The following NCKAP5 variants were observed in gnomAD, a reference collection of about 807,000 sequenced individuals.
NCKAP5 encodes nck-associated protein 5.
A neutral mutation model predicts 167.0 loss-of-function variants in NCKAP5; 92 were observed. The observed-to-expected ratio is 0.55, with a 90% confidence interval of 0.47 to 0.66. The LOEUF is 0.66. NCKAP5 is among the 30% of genes least tolerant of loss of function. The probability of loss-of-function intolerance (pLI) is 0.00; values close to 1 mark genes in which losing one functional copy is unlikely to be tolerated. For missense variants in NCKAP5, 2,378 were observed against 2,315.0 expected (o/e 1.03, Z -0.56); for synonymous variants, 891 against 877.4 (o/e 1.02, Z -0.27).
chr2:132,794,307 G>GAGT lies in NCKAP5; in HGVS notation c.909+2320_909+2321insACT, dbSNP rs1553443904. ...AGAGAGAGAGAGAGAGAGAGAGAGAGGGTGGCGGGAAGAGAGAGAGAAAGA... is the reference window on the plus strand; with the variant it reads ...AGAGAGAGAGAGAGAGAGAGAGAGAGAGTGGTGGCGGGAAGAGAGAGAGAAAGA... On this transcript the variant is annotated intron_variant, in intron 12 of 19. Transcript: ENST00000409261. 1.9e-3 allele frequency among the ~76,000 whole-genome samples: 189 copies of GAGT among 101,042 alleles called. 7 individuals are homozygous for GAGT. The highest frequency in any genetic ancestry group is 2.5e-3 in the Non-Finnish European group (122 of 47,956). 66.3% of individuals were successfully genotyped at this position (101,042 alleles called of 152,430 possible). A position where few individuals can be genotyped will look rare whatever the true frequency, so the allele number is the denominator to read the frequency against.
intron 3 of NCKAP5, among the ~76,000 whole-genome samples, chr2:133,498,217 G>A (rs1371715922): frequency 2.0e-5 from 3 of 152,270 alleles, no homozygotes; most frequent in East Asian, 1.9e-4. Flanking sequence ...AGCTCTGGTC[G>A]TTTCCAGAGC....
intron 6 of NCKAP5, among the ~76,000 whole-genome samples, chr2:133,014,457 T>C (rs2078266420): frequency 6.6e-6 from 1 of 152,166 alleles, no homozygotes; most frequent in Non-Finnish European, 1.5e-5. Flanking sequence ...TAAAACCTAA[T>C]CTATATGATT....
intron 6 of NCKAP5, among the ~76,000 whole-genome samples, chr2:133,013,773 G>T (rs2874260): frequency 0.02 from 3,065 of 149,540 alleles, 32 homozygotes; most frequent in African/African-American, 0.024. Flanking sequence ...CCCTTTTTTT[G>T]TGTGTGTGTA....
intron 8 of NCKAP5, among the ~76,000 whole-genome samples, chr2:132,913,046 C>T (rs1694580049): frequency 6.6e-6 from 1 of 152,020 alleles, no homozygotes; most frequent in South Asian, 2.1e-4. Context: ...GGTCTCTTCC[C>T]TATACTTAAG....
At chr2:133,395,416 T>C (rs551252317) in intron 3 of NCKAP5, among the ~76,000 whole-genome samples, 1 of 152,312 alleles carries the variant, frequency 6.6e-6, no homozygotes, top group African/African-American at 2.4e-5. Context: ...AGACCAGACA[T>C]ACCTTTCCCA....
chr2:133,666,493 C>T, the NCKAP5 span, among the ~76,000 whole-genome samples: 3 of 151,840 alleles, frequency 2.0e-5, no homozygotes, highest in Non-Finnish European at 4.4e-5. Context: ...CCACCGTGCC[C>T]GGCCTTACAT....
At chr2:132,852,331 C>A (rs1286609941) in intron 11 of NCKAP5, among the ~76,000 whole-genome samples, 2 of 152,182 alleles carry the variant, frequency 1.3e-5, no homozygotes, top group Non-Finnish European at 2.9e-5. Flanking sequence ...TAGTCTACTG[C>A]AATATAATGT....
chr2:133,271,045 G>A (rs903496634), intron 4 of NCKAP5, among the ~76,000 whole-genome samples: 5 of 150,230 alleles, frequency 3.3e-5, no homozygotes, highest in African/African-American at 1.2e-4. Flanking sequence ...TCAGCCTCCC[G>A]AGTAGCTGGG....
intron 4 of NCKAP5, among the ~76,000 whole-genome samples, chr2:133,282,337 A>G (rs2089964781): frequency 6.6e-6 from 1 of 152,198 alleles, no homozygotes; most frequent in Non-Finnish European, 1.5e-5. Context: ...CAGTCTTAGG[A>G]ATGCTGACCT....
At chr2:132,910,985 C>G (rs550430354) in intron 8 of NCKAP5, 1 of 167,302 alleles carries the variant, frequency 6.0e-6, no homozygotes, top group East Asian at 1.6e-4. Context: ...GATGCCACAT[C>G]TCTTGGGCCT....
intron 6 of NCKAP5, among the ~76,000 whole-genome samples, chr2:133,104,842 G>T (rs2081630558): frequency 6.6e-6 from 1 of 152,162 alleles, no homozygotes; most frequent in African/African-American, 2.4e-5. Context: ...ATTGAAGTGT[G>T]CCTTAACCTG....
At chr2:133,436,289 C>T (rs911722630) in intron 3 of NCKAP5, among the ~76,000 whole-genome samples, 1 of 152,140 alleles carries the variant, frequency 6.6e-6, no homozygotes, top group Non-Finnish European at 1.5e-5. Context: ...TCCAGAGATG[C>T]GGTTTTATTC....
chr2:133,142,633 A>G (rs966409801), intron 5 of NCKAP5, among the ~76,000 whole-genome samples: 1 of 152,160 alleles, frequency 6.6e-6, no homozygotes, highest in African/African-American at 2.4e-5. Flanking sequence ...ACATGGACAC[A>G]TTAATATCTG....
At chr2:133,249,786 C>T (rs6744863) in intron 4 of NCKAP5, among the ~76,000 whole-genome samples, 24,575 of 152,022 alleles carry the variant, frequency 0.16, 2,148 homozygotes, top group African/African-American at 0.25. Context: ...GAAGCACATA[C>T]GCCCAAGGGA....
chr2:132,891,371 A>C (rs1298341343), intron 8 of NCKAP5, among the ~76,000 whole-genome samples: 1 of 152,204 alleles, frequency 6.6e-6, no homozygotes, highest in Non-Finnish European at 1.5e-5. Flanking sequence ...GCTAGTGCTC[A>C]AGATGGATCA....
chr2:132,783,315 C>T lies in NCKAP5; in HGVS notation c.3496G>A (p.Val1166Met), dbSNP rs201602771. Residue 1166 changes from valine (V) to methionine (M), a missense_variant, in exon 14 of 20, where the codon GTG becomes ATG. Around this residue, in one of 3 missense-constraint regions of NCKAP5, gnomAD observed 1,325 missense variants for 1,274.5 expected, o/e 1.04. Coordinates refer to ENST00000409261, the MANE Select transcript of NCKAP5 (RefSeq NM_207363.3). ...CTGTCTTTTTCATGTTTCCCTGGCA[C>T]GGTGGAACTTTTCCTGAGCAGCTGG... ...SPQLLRKSST[V>M]PGKHEKDSLN... The T allele has an allele frequency of 3.5e-5, 56 of 1,613,780 alleles. No homozygotes were observed. The highest frequency in any genetic ancestry group is 5.5e-5 in the South Asian group (5 of 91,076).
intron 3 of NCKAP5, among the ~76,000 whole-genome samples, chr2:133,496,487 T>C (rs907620375): frequency 6.6e-6 from 1 of 152,188 alleles, no homozygotes; most frequent in Non-Finnish European, 1.5e-5. Flanking sequence ...ATGCATCTCA[T>C]AAAACTTAGG....
At chr2:133,599,434 G>A in the NCKAP5 span, among the ~76,000 whole-genome samples, 1 of 152,202 alleles carries the variant, frequency 6.6e-6, no homozygotes, top group African/African-American at 2.4e-5. Flanking sequence ...ATTGCACAAG[G>A]AAGTGCAATG....
intron 4 of NCKAP5, among the ~76,000 whole-genome samples, chr2:133,258,985 G>A (rs567734297): frequency 2.6e-5 from 4 of 152,128 alleles, no homozygotes; most frequent in Admixed American, 2.0e-4. Flanking sequence ...TGGCCCAAAA[G>A]GTGAAGTTCA....
Sources: allele counts gnomAD v4.1 joint callset (sites outside exome capture counted in the v4.1 genomes callset), GRCh38; gene constraint gnomAD v4.1.1; regional missense constraint gnomAD v4.1.1; transcripts MANE v1.5; gene names NCBI Gene and HGNC (gene_info 2026-07-23, HGNC 2026-07-21).